The following THSD4 variants were observed in gnomAD, a reference collection of about 807,000 sequenced individuals.
THSD4 encodes thrombospondin type-1 domain-containing protein 4.
In THSD4, 69 loss-of-function variants were observed where a neutral mutation model predicts 119.0. That is an observed-to-expected ratio of 0.58 (90% confidence interval 0.48 to 0.71). The LOEUF is 0.71. Ranked by LOEUF, THSD4 falls within the 30% of genes least tolerant of loss-of-function variation. The pLI is 0.00. For missense variants in THSD4, 1,393 were observed against 1,391.1 expected (o/e 1.00, Z -0.02); for synonymous variants, 524 against 540.4 (o/e 0.97, Z 0.42).
intron 7 of THSD4, among the ~76,000 whole-genome samples, chr15:71,586,370 T>A (rs1221615578): frequency 6.6e-6 from 1 of 152,196 alleles, no homozygotes; most frequent in Non-Finnish European, 1.5e-5. Context: ...CTCACTGGGC[T>A]GAAATCAAGG....
intron 14 of THSD4, among the ~76,000 whole-genome samples, chr15:71,751,502 T>G (rs2053447952): frequency 6.6e-6 from 1 of 152,122 alleles, no homozygotes; most frequent in African/African-American, 2.4e-5. Context: ...AAATGTATCT[T>G]TATATCATAA....
intron 13 of THSD4, among the ~76,000 whole-genome samples, chr15:71,747,653 A>G (rs1290945501): frequency 1.3e-5 from 2 of 152,244 alleles, no homozygotes; most frequent in African/African-American, 4.8e-5. Flanking sequence ...AGATGACGAC[A>G]TACAGGCTAA....
intron 14 of THSD4, 89 bp downstream of exon 14, chr15:71,748,683 C>T (rs1595915062): frequency 6.8e-7 from 1 of 1,478,284 alleles, no homozygotes; most frequent in East Asian, 2.4e-5. Context: ...GCTCAGAATC[C>T]CAAGACTGAT....
chr15:71,575,711 T>C (rs562556567), intron 7 of THSD4, among the ~76,000 whole-genome samples: 1 of 152,204 alleles, frequency 6.6e-6, no homozygotes, highest in Non-Finnish European at 1.5e-5. Context: ...CTGCTAGTTA[T>C]ATGGACTTTC....
In THSD4 at chr15:71,748,579, C is replaced by T. The variant is rs539524982; in HGVS notation, c.2400C>T (p.Thr800=). The T allele has an allele frequency of 1.7e-5, 28 of 1,613,914 alleles. No homozygotes were observed. The highest frequency in any genetic ancestry group is 2.1e-5 in the Non-Finnish European group (25 of 1,179,998). ...CCTGTGCCAAGAGCTGGTTCCTCAC[C>T]GAGTGGAGCGAAAGGGTGAGTGTGA... ...MGPCAKSWFL[T]EWSERCSAEC... is the part of the protein sequence containing the mutation. Residue 800 remains threonine (T), a synonymous_variant, in exon 14 of 18, where the codon ACC becomes ACT. Coordinates refer to ENST00000261862, the MANE Select transcript of THSD4 (RefSeq NM_024817.3).
rs1015438375 is a variant in THSD4, at chr15:71,675,926, C to T, written c.1357+15192C>T. On this transcript the variant is annotated intron_variant, in intron 8 of 17. Transcript: ENST00000261862. ...AAGACATGTTCCACTGAATTCCTTG[C>T]AGCCATCTTGCACCCTCCTCACTGT... 3.9e-5 allele frequency among the ~76,000 whole-genome samples: 6 copies of T among 152,208 alleles called. No homozygotes were observed. In the South Asian group the frequency reaches 8.3e-4, roughly 21 times the overall value.
chr15:71,285,660 T>TACCC (rs2044706522), intron 6 of THSD4, among the ~76,000 whole-genome samples: 1 of 151,948 alleles, frequency 6.6e-6, no homozygotes, highest in East Asian at 1.9e-4. Flanking sequence ...TTGAGACCAG[T>TACCC]CTGGCCAATA....
intron 6 of THSD4, among the ~76,000 whole-genome samples, chr15:71,274,222 T>C (rs2044564623): frequency 6.6e-6 from 1 of 152,218 alleles, no homozygotes; most frequent in Non-Finnish European, 1.5e-5. Context: ...CTGAAACTCA[T>C]GACATGTCAG....
intron 7 of THSD4, among the ~76,000 whole-genome samples, chr15:71,540,753 G>T (rs1219848593): frequency 1.8e-5 from 2 of 113,784 alleles, no homozygotes; most frequent in East Asian, 2.6e-4. Flanking sequence ...TTTTAAACGA[G>T]TCTCTGTCAC....
At chr15:71,228,412 A>T (rs541975828) in intron 4 of THSD4, among the ~76,000 whole-genome samples, 8 of 152,228 alleles carry the variant, frequency 5.3e-5, no homozygotes, top group African/African-American at 1.9e-4. Flanking sequence ...ATTTCAGCCT[A>T]GTGATGCTGA....
chr15:71,448,270 T>C (rs752720689), intron 7 of THSD4, among the ~76,000 whole-genome samples: 12 of 152,202 alleles, frequency 7.9e-5, no homozygotes, highest in Non-Finnish European at 1.6e-4. Context: ...AAGAAGACAA[T>C]GTTGAGAAGA....
At chr15:71,522,861 T>C (rs28564508) in intron 7 of THSD4, among the ~76,000 whole-genome samples, 9,087 of 152,236 alleles carry the variant, frequency 0.06, 878 homozygotes, top group African/African-American at 0.21. Context: ...AAGGAAGATC[T>C]AGTAAGTTCA....
intron 7 of THSD4, among the ~76,000 whole-genome samples, chr15:71,591,992 T>C (rs1018541936): frequency 3.3e-5 from 5 of 152,204 alleles, no homozygotes; most frequent in African/African-American, 1.2e-4. Context: ...ATGAGGCAGA[T>C]GTTAATGCCC....
chr15:71,113,194 A>G (rs1022606165), upstream of THSD4, among the ~76,000 whole-genome samples: 3 of 152,200 alleles, frequency 2.0e-5, no homozygotes, highest in Non-Finnish European at 2.9e-5. Context: ...CTCTCAAAAT[A>G]AATAAACAAA....
rs149987389 is a variant in THSD4 at position 71,388,520 on chromosome 15, G to A, written c.1016-23167G>A. Among the ~76,000 whole-genome samples the A allele has an allele frequency of 7.6e-3, 1,152 of 152,232 alleles. 12 individuals are homozygous for A. Among genetic ancestry groups the A allele is most frequent in the Middle Eastern group, 0.02 (6 of 294 alleles). On this transcript the variant is annotated intron_variant, in intron 6 of 17. Coordinates refer to ENST00000261862, the MANE Select transcript of THSD4 (RefSeq NM_024817.3). ...AGCTCTTCCTGTATGCCCAGCTTTA[G>A]ATGAAGGGGGGAAAAATAAAAACAA...
intron 3 of THSD4, among the ~76,000 whole-genome samples, chr15:71,211,295 A>G (rs2043886532): frequency 6.6e-6 from 1 of 152,152 alleles, no homozygotes; most frequent in African/African-American, 2.4e-5. Flanking sequence ...CTGGGTGCTT[A>G]AGCAACAGGA....
chr15:71,102,786 G>T (rs564837442), intron 1 of THSD4, among the ~76,000 whole-genome samples: 5 of 152,146 alleles, frequency 3.3e-5, no homozygotes, highest in African/African-American at 1.2e-4. Flanking sequence ...GGCTGATCTC[G>T]AACTCCTGAT....
chr15:71,662,595 A>G (rs8026078), intron 8 of THSD4, among the ~76,000 whole-genome samples: 78,527 of 151,892 alleles, frequency 0.52, 22,754 homozygotes, highest in Non-Finnish European at 0.66. Context: ...CTTTTAGTAC[A>G]TTTTCCCTGG....
intron 7 of THSD4, among the ~76,000 whole-genome samples, chr15:71,541,220 A>G (rs2048755553): frequency 6.6e-6 from 1 of 152,250 alleles, no homozygotes; most frequent in Admixed American, 6.5e-5. Context: ...TTATTTCAAC[A>G]TCAACCCAAC....
Sources: gnomAD v4.1 joint callset for allele counts (sites outside exome capture counted in the v4.1 genomes callset) on GRCh38, gnomAD v4.1.1 for gene constraint, MANE v1.5 for transcripts, NCBI Gene and HGNC (gene_info 2026-07-23, HGNC 2026-07-21) for gene names.